The following ARHGAP26 variants were observed in gnomAD, a reference collection of about 807,000 sequenced individuals.
The protein encoded by ARHGAP26 is rho GTPase-activating protein 26.
Under a neutral mutation model 104.8 loss-of-function variants are expected in ARHGAP26, and 38 were observed. The ratio of observed to expected loss-of-function variants is 0.36; its 90% confidence interval spans 0.28 to 0.48. ARHGAP26 has a LOEUF of 0.48. Ranked by LOEUF, ARHGAP26 falls within the 20% of genes least tolerant of loss-of-function variation. The pLI, the probability that ARHGAP26 is intolerant of heterozygous loss-of-function variation, is 0.99. For missense variants in ARHGAP26, 704 were observed against 947.9 expected (o/e 0.74, Z 3.38); for synonymous variants, 341 against 340.0 (o/e 1.00, Z -0.03).
At chr5:142,815,090 TC>T (rs1380671570) in intron 1 of ARHGAP26, among the ~76,000 whole-genome samples, 2 of 152,198 alleles carry the variant, frequency 1.3e-5, no homozygotes, top group Non-Finnish European at 2.9e-5. Flanking sequence ...AACCTCTGCC[TC>T]CCGGGTTCAA....
intron 17 of ARHGAP26, among the ~76,000 whole-genome samples, chr5:143,087,252 C>T (rs1418113416): frequency 6.6e-6 from 1 of 152,230 alleles, no homozygotes; most frequent in African/African-American, 2.4e-5. Context: ...CCCCTGTTTT[C>T]TCACACTGTG....
intron 9 of ARHGAP26, among the ~76,000 whole-genome samples, chr5:142,911,603 A>G (rs571179575): frequency 6.6e-6 from 1 of 152,344 alleles, no homozygotes; most frequent in South Asian, 2.1e-4. Flanking sequence ...TGAACAGACC[A>G]TCTTTATAGA....
intron 11 of ARHGAP26, among the ~76,000 whole-genome samples, chr5:142,993,331 G>C (rs1418572036): frequency 6.6e-6 from 1 of 151,874 alleles, no homozygotes; most frequent in Non-Finnish European, 1.5e-5. Context: ...CACCGCGCCC[G>C]GCTAATTTTT....
At chr5:142,946,765 G>A (rs1329122394) in intron 11 of ARHGAP26, 2 of 152,160 alleles carry the variant, frequency 1.3e-5, no homozygotes, top group Non-Finnish European at 2.9e-5. Flanking sequence ...GGGCTCAAAT[G>A]TGGTCAAATT....
At chr5:143,113,585 C>T (rs746999074) in intron 17 of ARHGAP26, among the ~76,000 whole-genome samples, 9 of 152,316 alleles carry the variant, frequency 5.9e-5, no homozygotes, top group Non-Finnish European at 1.0e-4. Flanking sequence ...TCTGACTGTG[C>T]CAGCCAGCTA....
intron 20 of ARHGAP26, chr5:143,203,424 A>G (rs540300478): frequency 6.6e-5 from 10 of 152,316 alleles, no homozygotes; most frequent in African/African-American, 1.9e-4. Context: ...AGGAAACAAC[A>G]CATGCTGGAG....
chr5:143,202,521 A>G (rs1466396164), intron 20 of ARHGAP26: 2 of 152,192 alleles, frequency 1.3e-5, no homozygotes, highest in Non-Finnish European at 2.9e-5. Flanking sequence ...TGATAGATTC[A>G]ATGCTATCCC....
At chr5:143,118,859 C>T (rs1795796051) in intron 17 of ARHGAP26, among the ~76,000 whole-genome samples, 1 of 151,356 alleles carries the variant, frequency 6.6e-6, no homozygotes, top group Non-Finnish European at 1.5e-5. Flanking sequence ...TTAATGGGTG[C>T]AGCACACCAG....
chr5:143,207,851 G>A (rs952826577), intron 21 of ARHGAP26, among the ~76,000 whole-genome samples: 2 of 152,246 alleles, frequency 1.3e-5, no homozygotes, highest in Non-Finnish European at 2.9e-5. Context: ...TTGTGGGGTT[G>A]GGCCCCTGGC....
chr5:142,937,745 G>A (rs777053096), intron 11 of ARHGAP26, among the ~76,000 whole-genome samples: 3 of 152,102 alleles, frequency 2.0e-5, no homozygotes, highest in African/African-American at 4.8e-5. Flanking sequence ...CACAACAACC[G>A]GGTGCATCTT....
intron 17 of ARHGAP26, among the ~76,000 whole-genome samples, chr5:143,066,646 T>C (rs1787536578): frequency 6.6e-6 from 1 of 152,234 alleles, no homozygotes; most frequent in African/African-American, 2.4e-5. Flanking sequence ...TGGGGCTTTC[T>C]TCATAGTTTT....
chr5:143,000,640 A>G (rs773800700), intron 11 of ARHGAP26, among the ~76,000 whole-genome samples: 2 of 152,234 alleles, frequency 1.3e-5, no homozygotes, highest in Admixed American at 6.5e-5. Context: ...ATGCTCATCA[A>G]TGATAGGCTG....
At chr5:143,200,272 G>A (rs574514020) in intron 20 of ARHGAP26, among the ~76,000 whole-genome samples, 11 of 152,178 alleles carry the variant, frequency 7.2e-5, no homozygotes, top group African/African-American at 1.2e-4. Flanking sequence ...TATTTGGCAC[G>A]GTATATCAAC....
At chr5:143,119,861 C>T (rs987194769) in intron 17 of ARHGAP26, among the ~76,000 whole-genome samples, 5 of 151,112 alleles carry the variant, frequency 3.3e-5, no homozygotes, top group African/African-American at 4.9e-5. Flanking sequence ...TAAAAACCAG[C>T]GCTTAAGGCA....
At chr5:142,961,008 C>G (rs144469783) in intron 11 of ARHGAP26, among the ~76,000 whole-genome samples, 1 of 152,206 alleles carries the variant, frequency 6.6e-6, no homozygotes. Context: ...CTCTTCCCCA[C>G]CTCTAGAAGC....
intron 17 of ARHGAP26, among the ~76,000 whole-genome samples, chr5:143,087,192 A>T (rs1278934025): frequency 6.6e-6 from 1 of 152,260 alleles, no homozygotes; most frequent in Non-Finnish European, 1.5e-5. Flanking sequence ...AGGCATCAAG[A>T]CATTAAATAT....
In ARHGAP26 at chr5:142,913,192, C is replaced by G; in HGVS notation, c.934-7C>G. On this transcript the variant is annotated splice_polypyrimidine_tract_variant and splice_region_variant and intron_variant, in intron 9 of 22. Transcript: ENST00000645722. ...CCTCATCTTGATAGTCTGTGTGTTC[C>G]CACTAGGGAGAAGATGAATCAGTTA... 1 of 1,613,298 alleles carries G rather than the reference C, an allele frequency of 6.2e-7. No individual in the cohort carries two copies. Among genetic ancestry groups the G allele is most frequent in the Non-Finnish European group, 8.5e-7 (1 of 1,179,302 alleles).
At chr5:142,923,453 A>G (rs558958799) in intron 10 of ARHGAP26, among the ~76,000 whole-genome samples, 6 of 152,308 alleles carry the variant, frequency 3.9e-5, no homozygotes, top group East Asian at 1.9e-4. Flanking sequence ...CTATATTTTC[A>G]TAGTTTGTTA....
intron 19 of ARHGAP26, among the ~76,000 whole-genome samples, chr5:143,137,184 G>T (rs1326009197): frequency 6.6e-6 from 1 of 152,216 alleles, no homozygotes; most frequent in East Asian, 1.9e-4. Context: ...CATTAAGATG[G>T]AAAGTGGTCA....
Sources: gnomAD v4.1 joint callset for allele counts (sites outside exome capture counted in the v4.1 genomes callset) on GRCh38, gnomAD v4.1.1 for gene constraint, MANE v1.5 for transcripts, NCBI Gene and HGNC (gene_info 2026-07-23, HGNC 2026-07-21) for gene names.